Variants in PHACTR3 observed in about 807,000 individuals in gnomAD.
PHACTR3 encodes the protein protein phosphatase 1, regulatory subunit 123.
Under a neutral mutation model 66.8 loss-of-function variants are expected in PHACTR3, and 16 were observed. The observed-to-expected ratio is 0.24, with a 90% CI of 0.16 to 0.36. The LOEUF (loss-of-function observed/expected upper bound fraction) is 0.36, where lower values mean the gene tolerates loss of function less well. Ranked by LOEUF, PHACTR3 falls within the 10% of genes least tolerant of loss-of-function variation. PHACTR3 has a pLI of 1.00. For synonymous variants in PHACTR3, 323 were observed against 292.1 expected, an observed-to-expected ratio of 1.11 and a Z score of -1.08; for missense variants, 647 against 719.9, an observed-to-expected ratio of 0.90 and a Z score of 1.16.
rs1022700066 is a variant in PHACTR3 at position 59,830,987 on chromosome 20, G to A, written c.1329-5518G>A. Reference sequence around the variant, plus strand: ...AGGCGTCCTGACTGTCCAGGCTGTCGGCGGTCTCATCAGCTCCACCTCTAG... The same window carrying A: ...AGGCGTCCTGACTGTCCAGGCTGTCAGCGGTCTCATCAGCTCCACCTCTAG... On this transcript the variant is annotated intron_variant, in intron 8 of 12. Transcript: ENST00000371015. This position sits in a 1 kb window ranked among gnomAD's most constrained non-coding sequence, Gnocchi z 5.8. 6.6e-6 allele frequency among the ~76,000 whole-genome samples: 1 copy of A among 152,118 alleles called. No homozygotes were observed. Among genetic ancestry groups the A allele is most frequent in the African/African-American group, 2.4e-5 (1 of 41,426 alleles).
At chr20:59,793,296 T>C (rs563198493) in intron 7 of PHACTR3, among the ~76,000 whole-genome samples, 1 of 152,308 alleles carries the variant, frequency 6.6e-6, no homozygotes, top group East Asian at 1.9e-4. Context: ...CAATTTTAGA[T>C]TCATTGTTTT....
chr20:59,835,773 C>G (rs151191795), intron 8 of PHACTR3: 2 of 152,210 alleles, frequency 1.3e-5, no homozygotes, highest in African/African-American at 4.8e-5. Flanking sequence ...AATAATTTGT[C>G]TTCATATCGC....
rs575630400 is a variant in PHACTR3 at position 59,777,472 on chromosome 20, C to T, written c.1174+2982C>T. Among the ~76,000 whole-genome samples, 5 of 152,290 alleles carry T rather than the reference C, an allele frequency of 3.3e-5. No homozygotes were observed. In the South Asian group the frequency reaches 8.3e-4, roughly 25 times the overall value. On this transcript the variant is annotated intron_variant, in intron 7 of 12. Coordinates refer to ENST00000371015, the MANE Select transcript of PHACTR3 (RefSeq NM_080672.5). ...ATCCCTGAGATCTCTGTGGCTGGGCCGGTCCATGGCCTCCAACAGAATGTG... is the reference window on the plus strand; with the variant it reads ...ATCCCTGAGATCTCTGTGGCTGGGCTGGTCCATGGCCTCCAACAGAATGTG...
intron 10 of PHACTR3, 71 bp from the exon 11 acceptor site, chr20:59,841,324 T>A: frequency 6.9e-7 from 1 of 1,445,050 alleles, no homozygotes; most frequent in African/African-American, 1.4e-5. Context: ...AGAGAAGTGC[T>A]GTTTGTTCAG....
intron 1 of PHACTR3, among the ~76,000 whole-genome samples, chr20:59,593,520 A>G (rs1488223028): frequency 1.3e-5 from 2 of 151,900 alleles, no homozygotes. Flanking sequence ...CAGTATATCA[A>G]TTATTTCTTT....
At chr20:59,670,076 G>A (rs774654654) in intron 1 of PHACTR3, among the ~76,000 whole-genome samples, 1 of 152,234 alleles carries the variant, frequency 6.6e-6, no homozygotes, top group Non-Finnish European at 1.5e-5. Context: ...AACTAGGCAG[G>A]TAAGACTCTT....
chr20:59,827,183 G>A (rs995966376), intron 8 of PHACTR3, among the ~76,000 whole-genome samples: 1 of 152,072 alleles, frequency 6.6e-6, no homozygotes, highest in African/African-American at 2.4e-5. Flanking sequence ...AGGGCAGCCC[G>A]GGAACCATCC....
Position 59,605,057 on chromosome 20 carries a change from G to A in PHACTR3, c.43G>A (p.Gly15Ser). The A allele has an allele frequency of 7.1e-7, 1 of 1,400,168 alleles. No homozygotes were observed. The allele number at this position is 1,400,168 out of a possible 1,614,324, so 86.7% of individuals were successfully genotyped here. A position where few individuals can be genotyped will look rare whatever the true frequency, so the allele number is the denominator to read the frequency against. Residue 15 changes from glycine to serine, a missense_variant, in exon 1 of 13, where the codon GGC becomes AGC. Coordinates refer to ENST00000371015, the MANE Select transcript of PHACTR3 (RefSeq NM_080672.5). ...CGGGAGCGGCTGCCTCGTGTCGCGG[G>A]GCCGCTCGCAGAGTGACCCCAGCGT... ...EDGSGCLVSRGRSQSDPSVLT... is the reference protein window; with the variant it reads ...EDGSGCLVSRSRSQSDPSVLT...
At chr20:59,582,618 T>A (rs916991917) in intron 1 of PHACTR3, among the ~76,000 whole-genome samples, 2 of 152,236 alleles carry the variant, frequency 1.3e-5, no homozygotes, top group Non-Finnish European at 2.9e-5. Flanking sequence ...ATTTTGCCAA[T>A]CCTCCAGAGA....
At chr20:59,755,047 G>A in intron 3 of PHACTR3, 135 bp from the exon 4 acceptor site, 1 of 824,276 alleles carries the variant, frequency 1.2e-6, no homozygotes, top group South Asian at 1.8e-5. Context: ...GACTCCTAGG[G>A]TGTGTGGTGA....
intron 7 of PHACTR3, among the ~76,000 whole-genome samples, chr20:59,803,080 TG>T (rs1309743644): frequency 1.1e-4 from 17 of 152,264 alleles, no homozygotes; most frequent in Non-Finnish European, 2.1e-4. Context: ...GATGACAGTT[TG>T]GGGGGAATGA....
chr20:59,695,547 A>G (rs1373339880), intron 1 of PHACTR3, among the ~76,000 whole-genome samples: 2 of 152,256 alleles, frequency 1.3e-5, no homozygotes, highest in African/African-American at 2.4e-5. Context: ...CTTTATAGCA[A>G]TCCAAGAATG....
At chr20:59,629,161 G>T (rs559750186) in intron 1 of PHACTR3, among the ~76,000 whole-genome samples, 1 of 152,234 alleles carries the variant, frequency 6.6e-6, no homozygotes, top group Non-Finnish European at 1.5e-5. Flanking sequence ...TCCTGAAGTG[G>T]CATGGGCGAC....
At chr20:59,691,305 C>G (rs2037098436) in intron 1 of PHACTR3, among the ~76,000 whole-genome samples, 1 of 152,196 alleles carries the variant, frequency 6.6e-6, no homozygotes, top group African/African-American at 2.4e-5. Flanking sequence ...ATATTTAAAA[C>G]TTTGATCAGT....
chr20:59,712,207 T>C (rs1265159280), intron 1 of PHACTR3, among the ~76,000 whole-genome samples: 1 of 152,238 alleles, frequency 6.6e-6, no homozygotes, highest in Admixed American at 6.5e-5. Flanking sequence ...AACTGAAATC[T>C]ATCTTAGTGG....
At chr20:59,822,451 A>G in intron 8 of PHACTR3, among the ~76,000 whole-genome samples, 1 of 150,478 alleles carries the variant, frequency 6.6e-6, no homozygotes, top group Non-Finnish European at 1.5e-5. Flanking sequence ...TCAGGTGAAC[A>G]TGTGTGTGGC....
intron 1 of PHACTR3, among the ~76,000 whole-genome samples, chr20:59,638,043 G>C (rs2034956943): frequency 6.6e-6 from 1 of 152,146 alleles, no homozygotes; most frequent in African/African-American, 2.4e-5. Context: ...AGGCTGTTTT[G>C]CTGCTGGCCC....
At chr20:59,716,794 A>G (rs965632766) in intron 1 of PHACTR3, among the ~76,000 whole-genome samples, 8 of 152,200 alleles carry the variant, frequency 5.3e-5, no homozygotes. Flanking sequence ...CTACTCACCA[A>G]TGATACTCTT....
chr20:59,701,032 T>C (rs2037489858), intron 1 of PHACTR3, among the ~76,000 whole-genome samples: 1 of 152,136 alleles, frequency 6.6e-6, no homozygotes, highest in African/African-American at 2.4e-5. Context: ...GCTCATGTGA[T>C]CCTCCTGCCT....
Sources: gnomAD v4.1 joint callset for allele counts (sites outside exome capture counted in the v4.1 genomes callset) on GRCh38, gnomAD v4.1.1 for gene constraint, Gnocchi (gnomAD v3.1) non-coding constraint, MANE v1.5 for transcripts, NCBI Gene and HGNC (gene_info 2026-07-23, HGNC 2026-07-21) for gene names.